Variants in CDK14 observed in about 807,000 individuals in gnomAD.
The protein encoded by CDK14 is cyclin-dependent kinase 14.
A neutral mutation model predicts 60.7 loss-of-function variants in CDK14; 34 were observed. That is an observed-to-expected ratio of 0.56 (90% CI 0.43 to 0.75). The LOEUF is 0.75. Among genes scored for constraint, CDK14 ranks in the 30% least tolerant of loss-of-function variants. The pLI is 0.00. For missense variants in CDK14, 482 were observed against 564.1 expected, an observed-to-expected ratio of 0.85 and a Z score of 1.47; for synonymous variants, 197 against 203.7, an observed-to-expected ratio of 0.97 and a Z score of 0.28.
chr7:90,596,538 C>T lies in CDK14; in HGVS notation c.-90C>T. On this transcript the variant is annotated 5_prime_UTR_variant, in exon 1 of 15. Coordinates refer to ENST00000380050, the MANE Select transcript of CDK14 (RefSeq NM_001287135.2). Reference sequence around the variant, plus strand: ...GCCGAGGAGGTGGTGGAGGAGGAGGCGCCGCTTTCCCCGCGGCGCGCGCCC... The same window carrying T: ...GCCGAGGAGGTGGTGGAGGAGGAGGTGCCGCTTTCCCCGCGGCGCGCGCCC... The T allele has an allele frequency of 5.6e-6, 6 of 1,076,532 alleles. No homozygotes were observed. Among genetic ancestry groups the T allele is most frequent in the East Asian group, 2.5e-5 (1 of 39,272 alleles). The allele number at this position is 1,076,532 out of a possible 1,614,324, so 66.7% of individuals were successfully genotyped here.
At chr7:91,012,936 G>A (rs1372294065) in intron 10 of CDK14, among the ~76,000 whole-genome samples, 1 of 152,212 alleles carries the variant, frequency 6.6e-6, no homozygotes. Flanking sequence ...AGACAACACA[G>A]CATTTCTGAG....
At chr7:91,196,575 TG>T (rs1802550157) in intron 14 of CDK14, among the ~76,000 whole-genome samples, 1 of 152,222 alleles carries the variant, frequency 6.6e-6, no homozygotes, top group Admixed American at 6.5e-5. Context: ...CATTTCAGAG[TG>T]GTGGCCTTAG....
intron 7 of CDK14, among the ~76,000 whole-genome samples, chr7:90,900,573 G>A (rs1338795541): frequency 6.6e-6 from 1 of 151,860 alleles, no homozygotes; most frequent in Non-Finnish European, 1.5e-5. Context: ...ATGTTCTCAG[G>A]GTTTATTGGC....
At chr7:91,141,120 G>A (rs765832144) in intron 14 of CDK14, among the ~76,000 whole-genome samples, 2 of 152,178 alleles carry the variant, frequency 1.3e-5, no homozygotes, top group African/African-American at 4.8e-5. Context: ...AGTGTGTCAC[G>A]TGCAGGGGAT....
At chr7:90,948,299 G>A (rs149284395) in intron 8 of CDK14, among the ~76,000 whole-genome samples, 14 of 152,296 alleles carry the variant, frequency 9.2e-5, no homozygotes, top group African/African-American at 3.4e-4. Flanking sequence ...GTAAACCAGT[G>A]AACTGTGAAA....
chr7:90,857,881 C>T (rs905001290), intron 5 of CDK14, among the ~76,000 whole-genome samples: 15 of 152,262 alleles, frequency 9.9e-5, no homozygotes, highest in East Asian at 3.9e-4. Context: ...TGTCACCTAC[C>T]GTGATGTTGG....
intron 5 of CDK14, among the ~76,000 whole-genome samples, chr7:90,850,847 C>A (rs991882646): frequency 2.0e-5 from 3 of 152,284 alleles, no homozygotes; most frequent in Admixed American, 6.5e-5. Context: ...ATTTGAGCAG[C>A]AGTTTCCTCT....
At chr7:90,810,901 A>C (rs1297248620) in intron 5 of CDK14, among the ~76,000 whole-genome samples, 6 of 152,158 alleles carry the variant, frequency 3.9e-5, no homozygotes, top group East Asian at 1.9e-4. Context: ...TAGGAATCCA[A>C]CTTACAAGGG....
intron 6 of CDK14, among the ~76,000 whole-genome samples, chr7:90,891,674 T>C (rs193281355): frequency 9.9e-5 from 15 of 152,248 alleles, no homozygotes; most frequent in Non-Finnish European, 1.8e-4. Flanking sequence ...CTCCATGGAA[T>C]GGCTTCCTTA....
chr7:90,646,842 CT>C (rs1206660658), intron 2 of CDK14, among the ~76,000 whole-genome samples: 2 of 152,048 alleles, frequency 1.3e-5, no homozygotes, highest in African/African-American at 4.8e-5. Flanking sequence ...GGGTTTTATT[CT>C]TACAAACAGA....
At chr7:90,896,648 C>G (rs958544917) in intron 6 of CDK14, among the ~76,000 whole-genome samples, 1 of 152,062 alleles carries the variant, frequency 6.6e-6, no homozygotes, top group Non-Finnish European at 1.5e-5. Flanking sequence ...TGACTCATGC[C>G]ATTGAGTAAA....
chr7:90,926,658 C>T (rs1047203132), intron 8 of CDK14, among the ~76,000 whole-genome samples: 2 of 152,162 alleles, frequency 1.3e-5, no homozygotes, highest in African/African-American at 2.4e-5. Context: ...GGGTTATTTC[C>T]CCACACCAAT....
intron 4 of CDK14, among the ~76,000 whole-genome samples, chr7:90,758,973 T>C (rs983275725): frequency 2.0e-5 from 3 of 149,418 alleles, no homozygotes; most frequent in African/African-American, 7.4e-5. Context: ...CGAGAGTCAC[T>C]CAAACCCGGG....
chr7:90,626,940 A>AAAAAC (rs1395179696), intron 2 of CDK14, among the ~76,000 whole-genome samples: 2 of 152,048 alleles, frequency 1.3e-5, no homozygotes, highest in African/African-American at 4.8e-5. Flanking sequence ...CCCTGTCTCA[A>AAAAAC]AAAACAAAAC....
chr7:90,731,782 C>G (rs1294019417), intron 3 of CDK14, among the ~76,000 whole-genome samples: 4 of 152,166 alleles, frequency 2.6e-5, no homozygotes, highest in Non-Finnish European at 5.9e-5. Flanking sequence ...CATGTCTCTG[C>G]AAACAGAGGC....
At chr7:91,187,067 TATC>T (rs1802214150) in intron 14 of CDK14, among the ~76,000 whole-genome samples, 1 of 152,260 alleles carries the variant, frequency 6.6e-6, no homozygotes, top group African/African-American at 2.4e-5. Flanking sequence ...ATTATGTGCA[TATC>T]ATCACATTTC....
chr7:90,656,684 T>A (rs563578230), intron 2 of CDK14, among the ~76,000 whole-genome samples: 1 of 152,276 alleles, frequency 6.6e-6, no homozygotes, highest in South Asian at 2.1e-4. Flanking sequence ...CGCCTTCTCC[T>A]TTTTTCTGAA....
At chr7:91,170,488 T>A (rs2518779) in intron 14 of CDK14, among the ~76,000 whole-genome samples, 146,510 of 152,270 alleles carry the variant, frequency 0.96, 70,515 homozygotes, top group East Asian at 1. Flanking sequence ...TGGGTTACCA[T>A]TATTAAAATA....
At chr7:90,724,579 CCTACAGCTAAAGTA>C (rs1434457390) in intron 2 of CDK14, among the ~76,000 whole-genome samples, 1 of 151,642 alleles carries the variant, frequency 6.6e-6, no homozygotes, top group Non-Finnish European at 1.5e-5. Context: ...TACAAATTTT[CCTACAGCTAAAGTA>C]CTACTTTAGC....
Sources: allele counts gnomAD v4.1 joint callset (sites outside exome capture counted in the v4.1 genomes callset), GRCh38; gene constraint gnomAD v4.1.1; transcripts MANE v1.5; gene names NCBI Gene and HGNC (gene_info 2026-07-23, HGNC 2026-07-21).